The following GSG1L variants were observed in gnomAD, a reference collection of about 807,000 sequenced individuals.
GSG1L encodes GSG1 like.
GSG1L carries 24 observed loss-of-function variants against 42.1 expected under a neutral mutation model. That is an observed-to-expected ratio of 0.57 (90% CI 0.41 to 0.80). The LOEUF (loss-of-function observed/expected upper bound fraction) is 0.80. Ranked by LOEUF, GSG1L falls within the 30% of genes least tolerant of loss-of-function variation. The pLI is 0.00. For synonymous variants in GSG1L, 215 were observed against 203.5 expected (o/e 1.06, Z -0.48); for missense variants, 445 against 472.2 (o/e 0.94, Z 0.53).
Position 27,949,381 on chromosome 16 carries a change from G to A in GSG1L, c.397+13775C>T, listed in dbSNP as rs144538907. Among the ~76,000 whole-genome samples, 29 of 152,330 alleles carry A rather than the reference G, an allele frequency of 1.9e-4. 1 individual carries two copies. Among genetic ancestry groups the A allele is most frequent in the East Asian group, 5.8e-4 (3 of 5,190 alleles). On this transcript the variant is annotated intron_variant, in intron 2 of 6. Transcript: ENST00000447459. The stretch of plus-strand genomic sequence containing the variant: ...GTAAATGAGCAGTGGTATGGGAGGC[G>A]GGTATGGCACACGGCCGAAATTGGG...
chr16:27,808,205 C>G (rs1217035442), intron 5 of GSG1L, among the ~76,000 whole-genome samples: 1 of 152,138 alleles, frequency 6.6e-6, no homozygotes, highest in Non-Finnish European at 1.5e-5. Context: ...CCTGCCTTAG[C>G]TTTCCAAGTA....
At chr16:27,800,666 G>A (rs2144409535) in intron 6 of GSG1L, among the ~76,000 whole-genome samples, 1 of 152,294 alleles carries the variant, frequency 6.6e-6, no homozygotes, top group South Asian at 2.1e-4. Context: ...TAGCCCCCCA[G>A]AATAACATCT....
chr16:27,971,943 G>A lies in GSG1L; in HGVS notation c.350-8740C>T, dbSNP rs79437181. 1.9e-4 allele frequency among the ~76,000 whole-genome samples: 29 copies of A among 152,238 alleles called. No homozygotes were observed. In the East Asian group the frequency reaches 5.2e-3, roughly 27 times the overall value. Reference sequence around the variant, plus strand: ...AAGCAAAGTGAGGGTCTGAACTTTCGGTGACTTGCCTAAGACCACACAGCC... The same window carrying A: ...AAGCAAAGTGAGGGTCTGAACTTTCAGTGACTTGCCTAAGACCACACAGCC... On this transcript the variant is annotated intron_variant, in intron 1 of 6. Transcript: ENST00000447459.
chr16:27,821,852 A>C (rs905109582), intron 5 of GSG1L, among the ~76,000 whole-genome samples: 1 of 152,170 alleles, frequency 6.6e-6, no homozygotes, highest in Non-Finnish European at 1.5e-5. Context: ...TGCAGTGAGC[A>C]GAGATCACGC....
rs567082087 is a variant in GSG1L at position 28,010,365 on chromosome 16, C to T, written c.350-47162G>A. Among the ~76,000 whole-genome samples, 70 of 152,302 alleles carry T rather than the reference C, an allele frequency of 4.6e-4. No individual in the cohort carries two copies. The South Asian group carries it at 0.012, about 27-fold the overall frequency. Reference sequence around the variant, plus strand: ...GAGGCAGGTTAGGGTTAGCGGAAGGCTTGGACCCTAGAGACAGCATGCACT... The same window carrying T: ...GAGGCAGGTTAGGGTTAGCGGAAGGTTTGGACCCTAGAGACAGCATGCACT... On this transcript the variant is annotated intron_variant, in intron 1 of 6. Coordinates refer to ENST00000447459, the MANE Select transcript of GSG1L (RefSeq NM_001109763.2).
chr16:27,902,454 T>C (rs535078325), intron 2 of GSG1L, among the ~76,000 whole-genome samples: 55 of 152,102 alleles, frequency 3.6e-4, no homozygotes, highest in Middle Eastern at 3.4e-3. Flanking sequence ...CAAGGGGGAA[T>C]CTGGCTTCAG....
chr16:27,992,156 G>C (rs189545936), intron 1 of GSG1L, among the ~76,000 whole-genome samples: 1 of 152,310 alleles, frequency 6.6e-6, no homozygotes, highest in Admixed American at 6.5e-5. Context: ...AAGAAAGCCT[G>C]AGGTGTGACC....
chr16:27,931,745 A>T (rs1027238042), intron 2 of GSG1L, among the ~76,000 whole-genome samples: 9 of 152,180 alleles, frequency 5.9e-5, no homozygotes, highest in Admixed American at 5.2e-4. Context: ...AGGCCTGAGG[A>T]TGTTCTCTGC....
chr16:27,877,154 C>T lies in GSG1L; in HGVS notation c.550+7332G>A, dbSNP rs113473626. ...TGGGGAGCAAGAGGGTGGCAGAGCC[C>T]TGTCTTCCCCAATACCTCTCGACCG... is the stretch of plus-strand genomic sequence containing the variant. On this transcript the variant is annotated intron_variant, in intron 3 of 6. Transcript: ENST00000447459. Among the ~76,000 whole-genome samples, 39 of 152,304 alleles carry T rather than the reference C, an allele frequency of 2.6e-4. 1 individual carries two copies. The highest frequency in any genetic ancestry group is 8.4e-4 in the African/African-American group (35 of 41,568).
intron 6 of GSG1L, among the ~76,000 whole-genome samples, chr16:27,792,485 C>T (rs1182000358): frequency 1.3e-5 from 2 of 152,210 alleles, no homozygotes; most frequent in East Asian, 3.9e-4. Flanking sequence ...AGTGTCTCTT[C>T]AAAGTCTTTC....
chr16:28,005,333 C>G (rs546159245), intron 1 of GSG1L, among the ~76,000 whole-genome samples: 1 of 152,118 alleles, frequency 6.6e-6, no homozygotes, highest in Non-Finnish European at 1.5e-5. Flanking sequence ...AGCTTGGTCT[C>G]GAATTCCTGA....
rs543022034 is a variant in GSG1L, at chr16:27,871,255, GC to G, written c.550+13230del. ...TGGACACCCCACAATGCACAGGCCA[GC>G]CCCCAACAGCAGAGAACAATCTGGT... On this transcript the variant is annotated intron_variant, in intron 3 of 6. Coordinates refer to ENST00000447459, the MANE Select transcript of GSG1L (RefSeq NM_001109763.2). Among the ~76,000 whole-genome samples the G allele has an allele frequency of 1.3e-3, 205 of 152,274 alleles. 2 individuals are homozygous for G. Among genetic ancestry groups the G allele is most frequent in the Non-Finnish European group, 1.6e-4 (11 of 68,022 alleles).
At position 27,845,072 on chromosome 16, in the gene GSG1L, G is replaced by C. The variant is rs930764285; in HGVS notation, c.551-11C>G. On this transcript the variant is annotated splice_polypyrimidine_tract_variant and intron_variant, in intron 3 of 6. Transcript: ENST00000447459. ...CCATTCCCAGGAGGCCTGTGGGGCA[G>C]AGAGCAGAGCAAAGCGTCAGGAAGT... The C allele has an allele frequency of 2.5e-6, 4 of 1,590,278 alleles. No individual in the cohort carries two copies. The African/African-American group carries it at 4.0e-5, about 16-fold the overall frequency.
chr16:27,913,563 C>A (rs916221718), intron 2 of GSG1L, among the ~76,000 whole-genome samples: 1 of 152,128 alleles, frequency 6.6e-6, no homozygotes, highest in African/African-American at 2.4e-5. Context: ...AGCCTATGGG[C>A]CAAATTTGCC....
intron 1 of GSG1L, among the ~76,000 whole-genome samples, chr16:28,060,415 G>A (rs2086327915): frequency 1.3e-5 from 2 of 152,130 alleles, no homozygotes; most frequent in Non-Finnish European, 2.9e-5. Context: ...GCACTGACAA[G>A]CTGATAACTA....
At chr16:27,869,295 T>G (rs2083772229) in intron 3 of GSG1L, among the ~76,000 whole-genome samples, 1 of 151,082 alleles carries the variant, frequency 6.6e-6, no homozygotes, top group Non-Finnish European at 1.5e-5. Flanking sequence ...TTGAGGAGAG[T>G]CAGTGGCCTT....
At chr16:27,841,590 A>G (rs1596548182) in intron 4 of GSG1L, among the ~76,000 whole-genome samples, 1 of 152,228 alleles carries the variant, frequency 6.6e-6, no homozygotes, top group East Asian at 1.9e-4. Flanking sequence ...GGCCTCACAC[A>G]TATTAAACAA....
At chr16:28,028,306 T>C (rs780772367) in intron 1 of GSG1L, among the ~76,000 whole-genome samples, 1 of 152,074 alleles carries the variant, frequency 6.6e-6, no homozygotes, top group Non-Finnish European at 1.5e-5. Context: ...TAATCCCTCA[T>C]GTTGACTATT....
intron 3 of GSG1L, among the ~76,000 whole-genome samples, chr16:27,865,554 TATATATATATATATATATACACACAC>T (rs2083707903): frequency 3.5e-5 from 1 of 28,608 alleles, no homozygotes; most frequent in African/African-American, 1.3e-4. Context: ...TATATATATA[TATATATATATATATATATACACACAC>T]ACATACATAC....
Sources: gnomAD v4.1 joint callset for allele counts (sites outside exome capture counted in the v4.1 genomes callset) on GRCh38, gnomAD v4.1.1 for gene constraint, MANE v1.5 for transcripts, NCBI Gene and HGNC (gene_info 2026-07-23, HGNC 2026-07-21) for gene names.